ANXA2: variants seen among roughly 807,000 people sequenced by gnomAD.
ANXA2 encodes the protein annexin II.
Under a neutral mutation model 47.3 loss-of-function variants are expected in ANXA2, and 28 were observed. That is an observed-to-expected ratio of 0.59 (90% CI 0.44 to 0.81). The LOEUF (loss-of-function observed/expected upper bound fraction) is 0.81, where lower values mean the gene tolerates loss of function less well. Ranked by LOEUF, ANXA2 falls within the 40% of genes least tolerant of loss-of-function variation. The pLI, the probability that ANXA2 is intolerant of heterozygous loss-of-function variation, is 0.00. For synonymous variants in ANXA2, 172 were observed against 155.5 expected, an observed-to-expected ratio of 1.11 and a Z score of -0.79; for missense variants, 384 against 414.3, an observed-to-expected ratio of 0.93 and a Z score of 0.64.
intron 1 of ANXA2, chr15:60,396,529 G>C (rs2063083363): frequency 6.6e-6 from 1 of 152,176 alleles, no homozygotes. Context: ...GCTAAAAAAA[G>C]TTCCAGAAAA....
intron 3 of ANXA2, chr15:60,374,365 C>T (rs1310827369): frequency 2.3e-6 from 1 of 435,954 alleles, no homozygotes; most frequent in Non-Finnish European, 4.6e-6. Flanking sequence ...CTGTATTGTG[C>T]TCTGCTACTC....
intron 2 of ANXA2, chr15:60,383,899 A>T (rs2062898824): frequency 6.6e-6 from 1 of 152,272 alleles, no homozygotes; most frequent in Admixed American, 6.5e-5. Context: ...GTGAGCATCT[A>T]AGATGCCTTC....
intron 3 of ANXA2, among the ~76,000 whole-genome samples, chr15:60,374,131 A>G (rs991093535): frequency 2.0e-5 from 3 of 152,188 alleles, no homozygotes; most frequent in African/African-American, 7.2e-5. Context: ...TTCTATTTCC[A>G]TTCTGCTTTG....
intron 2 of ANXA2, chr15:60,383,751 G>A (rs1234556898): frequency 2.1e-5 from 3 of 141,728 alleles, no homozygotes; most frequent in Non-Finnish European, 4.6e-5. Flanking sequence ...CGTATAATGT[G>A]ATGACTTGGC....
At chr15:60,381,715 CA>C (rs890948841) in intron 3 of ANXA2, among the ~76,000 whole-genome samples, 1 of 151,628 alleles carries the variant, frequency 6.6e-6, no homozygotes, top group Non-Finnish European at 1.5e-5. Context: ...TTAAAAAAAA[CA>C]AAAAAAGTCT....
At chr15:60,364,321 C>A (rs771503947) in intron 4 of ANXA2, 108 bp downstream of exon 4, 1 of 833,136 alleles carries the variant, frequency 1.2e-6, no homozygotes, top group Non-Finnish European at 2.0e-6. Flanking sequence ...TCCAAGGGTC[C>A]CACAAGTCTT....
chr15:60,357,234 C>T lies in ANXA2; in HGVS notation c.360G>A (p.Gly120=), dbSNP rs367754106. 1 of 1,613,630 alleles carries T rather than the reference C, an allele frequency of 6.2e-7. No homozygotes were observed. The highest frequency in any genetic ancestry group is 1.3e-5 in the African/African-American group (1 of 74,900). ...DASELKASMK[G]LGTDEDSLIE... is the part of the protein sequence containing the mutation. The stretch of plus-strand genomic sequence containing the variant: ...TGAGAGAGTCCTCGTCGGTTCCCAG[C>T]CCCTGTGAACCAGGAAGCACGAACA... Residue 120 remains glycine, a splice_region_variant and synonymous_variant, in exon 6 of 13, where the codon GGG becomes GGA. Coordinates refer to ENST00000451270, the MANE Select transcript of ANXA2 (RefSeq NM_004039.3).
chr15:60,365,759 G>C (rs948107492), intron 3 of ANXA2, among the ~76,000 whole-genome samples: 1 of 151,758 alleles, frequency 6.6e-6, no homozygotes, highest in Non-Finnish European at 1.5e-5. Flanking sequence ...CTTAACTGTA[G>C]CATCTATAAC....
chr15:60,356,051 C>A, intron 6 of ANXA2, 53 bp from the exon 7 acceptor site: 1 of 1,356,892 alleles, frequency 7.4e-7, no homozygotes, highest in Non-Finnish European at 1.1e-6. Context: ...AGCCAACCAT[C>A]CACCCCAATC....
Position 60,381,264 on chromosome 15 carries a change from T to G in ANXA2, c.148+1078A>C, listed in dbSNP as rs530005366. Among the ~76,000 whole-genome samples the G allele has an allele frequency of 2.0e-5, 3 of 152,134 alleles. No individual in the cohort carries two copies. The South Asian group carries it at 6.2e-4, about 32-fold the overall frequency. ...AAACGCTGTACATAGAAGAGAAAAA[T>G]GTGACATGGCTCTTCACCAGGGGCA... On this transcript the variant is annotated intron_variant, in intron 3 of 12. Coordinates refer to ENST00000451270, the MANE Select transcript of ANXA2 (RefSeq NM_004039.3).
intron 3 of ANXA2, among the ~76,000 whole-genome samples, chr15:60,366,258 C>G (rs1302685114): frequency 2.0e-5 from 3 of 151,358 alleles, no homozygotes; most frequent in Non-Finnish European, 4.4e-5. Flanking sequence ...AGCCTCTGCC[C>G]GGCCGCCACC....
At chr15:60,373,925 T>A (rs1354028769) in intron 3 of ANXA2, among the ~76,000 whole-genome samples, 1 of 151,996 alleles carries the variant, frequency 6.6e-6, no homozygotes, top group African/African-American at 2.4e-5. Flanking sequence ...CATGGATGAG[T>A]AGTCCAGTTA....
In ANXA2 at chr15:60,388,163, G is replaced by A. The variant is rs866207972; in HGVS notation, c.-11-2077C>T. On this transcript the variant is annotated intron_variant, in intron 1 of 12. Coordinates refer to ENST00000451270, the MANE Select transcript of ANXA2 (RefSeq NM_004039.3). ...AGATCACACCACTGCACTCCAGCCT[G>A]GGCAACAAGAGCAAAACTCCGTCTC... 4.7e-4 allele frequency among the ~76,000 whole-genome samples: 72 copies of A among 151,942 alleles called. 1 individual carries two copies. In the Middle Eastern group the frequency reaches 0.01, roughly 22 times the overall value.
Position 60,397,966 on chromosome 15 carries a change from G to A in ANXA2, c.-35C>T, listed in dbSNP as rs1410548496. The A allele has an allele frequency of 1.6e-6, 2 of 1,265,342 alleles. No individual in the cohort carries two copies. Among genetic ancestry groups the A allele is most frequent in the East Asian group, 3.2e-5 (1 of 31,732 alleles). 78.4% of individuals were successfully genotyped at this position (1,265,342 alleles called of 1,614,324 possible). On this transcript the variant is annotated 5_prime_UTR_variant, in exon 1 of 13. Transcript: ENST00000451270. ...ACCTGGGCCGTGCGCCGAGAGCTGA[G>A]AGCGTCCCCAAATGCTGAGCAGAGC...
At chr15:60,361,726 A>G (rs1476485788) in intron 4 of ANXA2, among the ~76,000 whole-genome samples, 1 of 151,972 alleles carries the variant, frequency 6.6e-6, no homozygotes, top group Non-Finnish European at 1.5e-5. Context: ...GTAATTTCTT[A>G]AGGGTTGGAT....
intron 3 of ANXA2, chr15:60,374,685 A>G (rs1379564015): frequency 2.2e-6 from 1 of 456,008 alleles, no homozygotes. Flanking sequence ...TCTGGCACCT[A>G]CATAGATACA....
chr15:60,370,583 T>A (rs1447916500), intron 3 of ANXA2, among the ~76,000 whole-genome samples: 4 of 152,192 alleles, frequency 2.6e-5, no homozygotes, highest in Non-Finnish European at 5.9e-5. Flanking sequence ...GGTCATCCGG[T>A]TACTCACCAT....
intron 5 of ANXA2, 114 bp from the exon 6 acceptor site, chr15:60,357,350 C>T: frequency 1.3e-6 from 1 of 765,126 alleles, no homozygotes; most frequent in Admixed American, 2.2e-5. Flanking sequence ...TAGCATCCTG[C>T]TTTCTACATT....
rs763372364 is a variant in ANXA2, at chr15:60,352,346, C to T, written c.682+37G>A. 5.3e-6 allele frequency: 8 copies of T among 1,503,686 alleles called. No individual in the cohort carries two copies. Among genetic ancestry groups the T allele is most frequent in the Non-Finnish European group, 7.4e-6 (8 of 1,085,904 alleles). 93.1% of individuals were successfully genotyped at this position (1,503,686 alleles called of 1,614,324 possible). A position where few individuals can be genotyped will look rare whatever the true frequency, so the allele number is the denominator to read the frequency against. On this transcript the variant is annotated intron_variant, in intron 9 of 12. Coordinates refer to ENST00000451270, the MANE Select transcript of ANXA2 (RefSeq NM_004039.3). This position sits in a 1 kb window ranked among gnomAD's most constrained non-coding sequence, Gnocchi z 4.2. ...ATCCACCCAGCCGCCCCAGCCAGGG[C>T]CCCAAGGCACTGAGACTCCCTCAGC...
Sources: gnomAD v4.1 joint callset for allele counts (sites outside exome capture counted in the v4.1 genomes callset) on GRCh38, gnomAD v4.1.1 for gene constraint, Gnocchi (gnomAD v3.1) non-coding constraint, MANE v1.5 for transcripts, NCBI Gene and HGNC (gene_info 2026-07-23, HGNC 2026-07-21) for gene names.